Variants in NCKAP1L observed in about 807,000 individuals in gnomAD.
The protein encoded by NCKAP1L is nck-associated protein 1-like.
A neutral mutation model predicts 139.2 loss-of-function variants in NCKAP1L; 53 were observed. The observed-to-expected ratio is 0.38, with a 90% CI of 0.31 to 0.48. The LOEUF (loss-of-function observed/expected upper bound fraction) is 0.48, where lower values mean the gene tolerates loss of function less well. Ranked by LOEUF, NCKAP1L falls within the 20% of genes least tolerant of loss-of-function variation. The probability of loss-of-function intolerance (pLI) is 0.98; values close to 1 mark genes in which losing one functional copy is unlikely to be tolerated. For missense variants in NCKAP1L, 1,151 were observed against 1,381.9 expected, an observed-to-expected ratio of 0.83 and a Z score of 2.65; for synonymous variants, 468 against 499.7, an observed-to-expected ratio of 0.94 and a Z score of 0.85.
At chr12:54,503,525 T>A (rs565837857) in intron 3 of NCKAP1L, among the ~76,000 whole-genome samples, 8 of 152,156 alleles carry the variant, frequency 5.3e-5, no homozygotes, top group Non-Finnish European at 1.0e-4. Context: ...AATTGATATA[T>A]CCAATAAATA....
At chr12:54,529,105 T>C (rs936413344) in intron 22 of NCKAP1L, among the ~76,000 whole-genome samples, 2 of 152,232 alleles carry the variant, frequency 1.3e-5, no homozygotes, top group South Asian at 2.1e-4. Flanking sequence ...GTATAATAGA[T>C]ACACTTATTC....
At chr12:54,498,916 T>C (rs1452306509) in intron 1 of NCKAP1L, 5 of 274,628 alleles carry the variant, frequency 1.8e-5, no homozygotes, top group Non-Finnish European at 2.7e-5. Flanking sequence ...TATTTTTATA[T>C]TTATTTATTT....
chr12:54,523,610 T>A, intron 19 of NCKAP1L, 71 bp downstream of exon 19: 58 of 1,511,300 alleles, frequency 3.8e-5, no homozygotes, highest in Non-Finnish European at 4.7e-5. Context: ...AGAGGGAAGG[T>A]GACACAGAAA....
chr12:54,531,730 T>C lies in NCKAP1L; in HGVS notation c.2699-13T>C. ...TCTAAATTATCTTTTCTAACACGCT[T>C]CTTTCTCCTCAGGGGCTGAAAATGT... On this transcript the variant is annotated splice_polypyrimidine_tract_variant and intron_variant, in intron 24 of 30. Transcript: ENST00000293373. The C allele has an allele frequency of 6.2e-7, 1 of 1,610,260 alleles. No homozygotes were observed. The highest frequency in any genetic ancestry group is 8.5e-7 in the Non-Finnish European group (1 of 1,176,732).
chr12:54,523,878 T>C lies in NCKAP1L; in HGVS notation c.2078T>C (p.Val693Ala). The C allele has an allele frequency of 6.2e-7, 1 of 1,614,156 alleles. No individual in the cohort carries two copies. ...LTELALTMNH[V>A]YSFSVFEHTI... Reference sequence around the variant, plus strand: ...GAACTGGCACTGACAATGAATCATGTATACAGTTTCTCCGTGTTTGAACAT... The same window carrying C: ...GAACTGGCACTGACAATGAATCATGCATACAGTTTCTCCGTGTTTGAACAT... Residue 693 changes from valine to alanine, a missense_variant, in exon 20 of 31, where the codon GTA (valine) becomes GCA (alanine). Coordinates refer to ENST00000293373, the MANE Select transcript of NCKAP1L (RefSeq NM_005337.5).
rs11831997 is a variant in NCKAP1L at position 54,519,352 on chromosome 12, T to G, written c.1625+20T>G. ...TTTCTGGTATGTCTTGGTTCAGAGC[T>G]CTCTTTAAAAAGTTTTATTGTTTCC... On this transcript the variant is annotated intron_variant, in intron 16 of 30. Transcript: ENST00000293373. 0.043 allele frequency: 63,086 copies of G among 1,458,586 alleles called. 1,670 individuals are homozygous for G. Among genetic ancestry groups the G allele is most frequent in the Middle Eastern group, 0.097 (525 of 5,428 alleles). 90.4% of individuals were successfully genotyped at this position (1,458,586 alleles called of 1,614,324 possible).
chr12:54,507,585 C>T (rs1375360282), intron 3 of NCKAP1L, among the ~76,000 whole-genome samples: 1 of 152,038 alleles, frequency 6.6e-6, no homozygotes, highest in African/African-American at 2.4e-5. Flanking sequence ...AGGAATGGGG[C>T]ATAGGGATGA....
chr12:54,516,317 C>G, intron 10 of NCKAP1L, 22 bp downstream of exon 10: 1 of 1,606,114 alleles, frequency 6.2e-7, no homozygotes, highest in Non-Finnish European at 8.5e-7. Flanking sequence ...TGAATGCACT[C>G]TCTGAGAGGG....
rs1957184650 is a variant in NCKAP1L at position 54,544,538 on chromosome 12, A to G, written c.*1853A>G. 1 of 152,224 alleles carries G rather than the reference A, an allele frequency of 6.6e-6. No individual in the cohort carries two copies. Among genetic ancestry groups the G allele is most frequent in the South Asian group, 2.1e-4 (1 of 4,830 alleles). The allele number at this position is 152,224 out of a possible 1,614,324, so 9.4% of individuals were successfully genotyped here. On this transcript the variant is annotated 3_prime_UTR_variant, in exon 31 of 31. Transcript: ENST00000293373. ...CTAACATCTAGCAAAACTGTAGTACACTGCCACAACCAGGATAACTGACAT... is the reference window on the plus strand; with the variant it reads ...CTAACATCTAGCAAAACTGTAGTACGCTGCCACAACCAGGATAACTGACAT...
At chr12:54,535,078 C>G (rs1957103882) in intron 26 of NCKAP1L, 26 bp from the exon 27 acceptor site, 1 of 1,598,754 alleles carries the variant, frequency 6.3e-7, no homozygotes, top group South Asian at 1.1e-5. Flanking sequence ...CGAATCCTCT[C>G]TAGAATGTTA....
At chr12:54,538,739 G>T in intron 29 of NCKAP1L, 145 bp from the exon 30 acceptor site, 1 of 644,532 alleles carries the variant, frequency 1.6e-6, no homozygotes, top group Non-Finnish European at 2.7e-6. Context: ...AAACCTAGGA[G>T]ATTTGCCACT....
intron 28 of NCKAP1L, 23 bp downstream of exon 28, chr12:54,536,268 A>G (rs1260557045): frequency 6.7e-7 from 1 of 1,486,934 alleles, no homozygotes; most frequent in African/African-American, 1.4e-5. Context: ...TAGGTTTGAG[A>G]CACCAGTGCT....
chr12:54,517,921 C>G lies in NCKAP1L; in HGVS notation c.1321C>G (p.Leu441Val), dbSNP rs549823356. ...CTTGGCAAGATTTGATGCTCTTGTG[C>G]TCAGTGACATCATTCAGGTATGATA... ...QYLARFDALV[L>V]SDIIQNLSVC... The change falls in exon 13 of 31, where the codon CTC (leucine) becomes GTC (valine). Residue 441 changes from leucine (L) to valine (V), a missense_variant. By Grantham distance (32) the Leu-to-Val change is conservative. Transcript: ENST00000293373. 6.2e-7 allele frequency: 1 copy of G among 1,614,090 alleles called. No individual in the cohort carries two copies. Among genetic ancestry groups the G allele is most frequent in the South Asian group, 1.1e-5 (1 of 91,064 alleles).
chr12:54,504,044 A>T (rs1479218021), intron 3 of NCKAP1L, among the ~76,000 whole-genome samples: 1 of 152,194 alleles, frequency 6.6e-6, no homozygotes, highest in Non-Finnish European at 1.5e-5. Context: ...TGTAAGATGT[A>T]AGATGTCCCT....
rs573882624 is a variant in NCKAP1L, at chr12:54,518,497, G to A, written c.1339-154G>A. The A allele has an allele frequency of 1.3e-3, 909 of 713,898 alleles. 5 individuals carry two copies. The highest frequency in any genetic ancestry group is 3.5e-3 in the South Asian group (235 of 66,346). 44.2% of individuals were successfully genotyped at this position (713,898 alleles called of 1,614,324 possible). On this transcript the variant is annotated intron_variant, in intron 13 of 30. Transcript: ENST00000293373. The stretch of plus-strand genomic sequence containing the variant: ...TGGATGTTAGAATGGCAGGGAACCC[G>A]GAAAGTTTCCTTCATCTCTTGCTTG...
chr12:54,528,011 G>A lies in NCKAP1L; in HGVS notation c.2376-236G>A, dbSNP rs142961702. ...GGGAGTGCATGCTATTGCATTTGAC[G>A]GTATAGCAAAATACCCTCCAGGTTA... On this transcript the variant is annotated intron_variant, in intron 21 of 30. Transcript: ENST00000293373. Among the ~76,000 whole-genome samples, 11 of 152,278 alleles carry A rather than the reference G, an allele frequency of 7.2e-5. 1 individual carries two copies. Among genetic ancestry groups the A allele is most frequent in the African/African-American group, 1.9e-4 (8 of 41,550 alleles).
At chr12:54,509,627 G>T in intron 5 of NCKAP1L, 42 bp from the exon 6 acceptor site, 1 of 1,375,740 alleles carries the variant, frequency 7.3e-7, no homozygotes, top group East Asian at 2.3e-5. Context: ...TCAAGTCATG[G>T]GTAAGGGAGG....
intron 26 of NCKAP1L, 38 bp from the exon 27 acceptor site, chr12:54,535,066 T>C (rs745755925): frequency 3.0e-5 from 47 of 1,562,776 alleles, no homozygotes; most frequent in Non-Finnish European, 4.0e-5. Context: ...CATTGTGTCC[T>C]GCGAATCCTC....
intron 12 of NCKAP1L, 49 bp downstream of exon 12, chr12:54,517,691 C>G: frequency 1.9e-6 from 3 of 1,579,132 alleles, no homozygotes; most frequent in Non-Finnish European, 2.6e-6. Context: ...GGACTGGGGA[C>G]AGGGAGGCAT....
Sources: allele counts gnomAD v4.1 joint callset (sites outside exome capture counted in the v4.1 genomes callset), GRCh38; gene constraint gnomAD v4.1.1; transcripts MANE v1.5; gene names NCBI Gene and HGNC (gene_info 2026-07-23, HGNC 2026-07-21).